CNN1: variants seen among roughly 807,000 people sequenced by gnomAD.
CNN1 encodes the protein calponin 1.
A neutral mutation model predicts 35.3 loss-of-function variants in CNN1; 21 were observed. That is an observed-to-expected ratio of 0.60 (90% CI 0.42 to 0.86). CNN1 has a LOEUF of 0.86. Among genes scored for constraint, CNN1 ranks in the 40% least tolerant of loss-of-function variants. The pLI, the probability that CNN1 is intolerant of heterozygous loss-of-function variation, is 0.00. For missense variants in CNN1, 314 were observed against 400.8 expected (o/e 0.78, Z 1.85); for synonymous variants, 164 against 161.8 (o/e 1.01, Z -0.10).
intron 2 of CNN1, among the ~76,000 whole-genome samples, chr19:11,544,924 G>T (rs960066796): frequency 1.3e-5 from 2 of 152,004 alleles, no homozygotes; most frequent in Non-Finnish European, 2.9e-5. Flanking sequence ...CTGGGCCAGG[G>T]GCAGTGGCTC....
intron 1 of CNN1, 55 bp from the exon 2 acceptor site, chr19:11,541,021 C>T (rs901986179): frequency 5.9e-6 from 9 of 1,524,030 alleles, no homozygotes; most frequent in African/African-American, 1.4e-5. Context: ...GCCCAGGCTG[C>T]CCCCAATGCA....
chr19:11,548,829 G>C lies in CNN1; in HGVS notation c.502-494G>C, dbSNP rs11672633. ...TCCAACCTGGGCGACAGAGTGAGATGCTATCTCAAATAAAATAAAATAAAA... is the reference window on the plus strand; with the variant it reads ...TCCAACCTGGGCGACAGAGTGAGATCCTATCTCAAATAAAATAAAATAAAA... On this transcript the variant is annotated intron_variant, in intron 5 of 6. Transcript: ENST00000252456. Among the ~76,000 whole-genome samples the C allele has an allele frequency of 4.2e-3, 643 of 151,792 alleles. 1 individual carries two copies. The highest frequency in any genetic ancestry group is 7.1e-3 in the Non-Finnish European group (480 of 67,922).
Position 11,549,387 on chromosome 19 carries a change from A to G in CNN1, c.566A>G (p.Tyr189Cys), listed in dbSNP as rs1330653121. ...MTAYGTRRHL[Y>C]DPKLGTDQPL... is the part of the protein sequence containing the mutation. ...GCCTATGGCACCCGGCGCCACCTCTACGACCCCAAGCTGGGCACAGACCAG... is the reference window on the plus strand; with the variant it reads ...GCCTATGGCACCCGGCGCCACCTCTGCGACCCCAAGCTGGGCACAGACCAG... The change falls in exon 6 of 7, where the codon TAC becomes TGC. Residue 189 changes from tyrosine (Y) to cysteine (C), a missense_variant. By Grantham distance (194) the Tyr-to-Cys change is radical (BLOSUM62 -2). Coordinates refer to ENST00000252456, the MANE Select transcript of CNN1 (RefSeq NM_001299.6). This position sits in a 1 kb window ranked among gnomAD's most constrained non-coding sequence, Gnocchi z 5.2. The G allele has an allele frequency of 3.1e-6, 5 of 1,613,724 alleles. No homozygotes were observed. The highest frequency in any genetic ancestry group is 4.5e-5 in the East Asian group (2 of 44,868).
At position 11,547,827 on chromosome 19, in the gene CNN1, G is replaced by A. The variant is rs747363499; in HGVS notation, c.421G>A (p.Gly141Arg). The A allele has an allele frequency of 6.2e-7, 1 of 1,614,052 alleles. No individual in the cohort carries two copies. Among genetic ancestry groups the A allele is most frequent in the Non-Finnish European group, 8.5e-7 (1 of 1,179,972 alleles). The change falls in exon 5 of 7, where the codon GGA becomes AGA. Residue 141 changes from glycine (G) to arginine (R), a missense_variant. Transcript: ENST00000252456. ...AKTKGNKVNV[G>R]VKYAEKQERK... ...GACGAAAGGAAACAAGGTGAACGTG[G>A]GAGTGAAGTACGCAGAGAAGCAGGA...
chr19:11,543,194 G>A (rs2145032380), intron 2 of CNN1, among the ~76,000 whole-genome samples: 1 of 151,998 alleles, frequency 6.6e-6, no homozygotes, highest in East Asian at 1.9e-4. Context: ...AAACATTTTT[G>A]TTTTAATTAG....
intron 1 of CNN1, 29 bp from the exon 2 acceptor site, chr19:11,541,047 C>T: frequency 6.3e-7 from 1 of 1,578,228 alleles, no homozygotes; most frequent in Non-Finnish European, 8.6e-7. Flanking sequence ...ACCCCTTTCT[C>T]TGTGCCCCCT....
chr19:11,540,324 C>G (rs1377433926), intron 1 of CNN1: 1 of 154,808 alleles, frequency 6.5e-6, no homozygotes, highest in Non-Finnish European at 1.4e-5. Context: ...ACCACCCCCA[C>G]CCCAGGCAGG....
At chr19:11,545,798 CAAAAAAAA>C (rs1030710214) in intron 2 of CNN1, among the ~76,000 whole-genome samples, 37 of 58,826 alleles carry the variant, frequency 6.3e-4, no homozygotes, top group African/African-American at 1.9e-3. Flanking sequence ...CCCTCTCTAC[CAAAAAAAA>C]AAAAAAAAAA....
At chr19:11,544,665 T>G (rs1382659078) in intron 2 of CNN1, among the ~76,000 whole-genome samples, 5 of 138,360 alleles carry the variant, frequency 3.6e-5, no homozygotes, top group Non-Finnish European at 6.2e-5. Flanking sequence ...TTTTCGGGTT[T>G]TTTTTTTTTT....
intron 2 of CNN1, among the ~76,000 whole-genome samples, chr19:11,541,503 A>G (rs1325137927): frequency 6.6e-6 from 1 of 152,228 alleles, no homozygotes; most frequent in Non-Finnish European, 1.5e-5. Flanking sequence ...GCTAAAAGGC[A>G]GCAGCCAACA....
intron 2 of CNN1, among the ~76,000 whole-genome samples, chr19:11,546,414 C>T (rs1210894732): frequency 6.6e-6 from 1 of 151,202 alleles, no homozygotes; most frequent in Admixed American, 6.6e-5. Context: ...AATCTCAGCT[C>T]ACTGCAACCT....
At chr19:11,539,061 T>A in intron 1 of CNN1, 71 bp downstream of exon 1, 2 of 1,321,854 alleles carry the variant, frequency 1.5e-6, no homozygotes, top group Non-Finnish European at 2.0e-6. Flanking sequence ...TTGGGGTCCC[T>A]TGAACCCCCT....
chr19:11,549,303 T>C lies in CNN1; in HGVS notation c.502-20T>C. 1 of 1,613,738 alleles carries C rather than the reference T, an allele frequency of 6.2e-7. No homozygotes were observed. The highest frequency in any genetic ancestry group is 8.5e-7 in the Non-Finnish European group (1 of 1,179,724). On this transcript the variant is annotated intron_variant, in intron 5 of 6. Transcript: ENST00000252456. The surrounding 1 kb of genome is among the most constrained non-coding windows in gnomAD (Gnocchi z 5.2). Reference sequence around the variant, plus strand: ...ATGAGGTCTGTAATTATTGGTGTGATTCTCCTTCTGGCTTCCTAGATGGGC... The same window carrying C: ...ATGAGGTCTGTAATTATTGGTGTGACTCTCCTTCTGGCTTCCTAGATGGGC...
chr19:11,544,581 C>T (rs964601071), intron 2 of CNN1, among the ~76,000 whole-genome samples: 4 of 151,980 alleles, frequency 2.6e-5, no homozygotes, highest in Admixed American at 2.0e-4. Flanking sequence ...AACTGATCCT[C>T]CCACCCCAGC....
rs372082724 is a variant in CNN1 at position 11,546,988 on chromosome 19, T to C, written c.390+19T>C. 5.6e-6 allele frequency: 9 copies of C among 1,613,714 alleles called. No homozygotes were observed. In the African/African-American group the frequency reaches 1.1e-4, roughly 19 times the overall value. ...CAGCATGGTGAGTGTGGTTGCAGGC[T>C]GGGCAGGGGGTGGTGGGCAGCCTGG... is the stretch of plus-strand genomic sequence containing the variant. On this transcript the variant is annotated intron_variant, in intron 4 of 6. Transcript: ENST00000252456.
chr19:11,544,075 C>T (rs564940187), intron 2 of CNN1, among the ~76,000 whole-genome samples: 1 of 152,112 alleles, frequency 6.6e-6, no homozygotes, highest in Non-Finnish European at 1.5e-5. Context: ...ACTCAGAGCT[C>T]AAGGACTTTT....
chr19:11,543,463 T>TATA (rs372575864), intron 2 of CNN1, among the ~76,000 whole-genome samples: 3,729 of 147,642 alleles, frequency 0.025, 67 homozygotes, highest in African/African-American at 0.051. Context: ...GAACTTAAAG[T>TATA]ATAATAATAA....
At chr19:11,539,533 G>C in intron 1 of CNN1, 1 of 1,133,844 alleles carries the variant, frequency 8.8e-7, no homozygotes, top group Non-Finnish European at 1.1e-6. Flanking sequence ...GAGGTTCGGA[G>C]AGGAGAGGCA....
rs1431241238 is a variant in CNN1 at position 11,549,691 on chromosome 19, C to T, written c.790C>T (p.Pro264Ser). Residue 264 changes from proline to serine, a missense_variant, in exon 7 of 7, where the codon CCA becomes TCA. Physicochemically the swap from Pro to Ser is moderately conservative, Grantham distance 74 (BLOSUM62 -1). Transcript: ENST00000252456. This position sits in a 1 kb window ranked among gnomAD's most constrained non-coding sequence, Gnocchi z 5.2. ...GCGGGGCATGACGGTGTATGGGCTG[C>T]CACGCCAGGTCTACGACCCCAAGTA... The part of the protein sequence containing the change: ...SQRGMTVYGL[P>S]RQVYDPKYCL... 1 of 1,614,242 alleles carries T rather than the reference C, an allele frequency of 6.2e-7. No individual in the cohort carries two copies. The highest frequency in any genetic ancestry group is 1.7e-5 in the Admixed American group (1 of 60,026).
Sources: allele counts gnomAD v4.1 joint callset (sites outside exome capture counted in the v4.1 genomes callset), GRCh38; gene constraint gnomAD v4.1.1; non-coding constraint Gnocchi (gnomAD v3.1); transcripts MANE v1.5; gene names NCBI Gene and HGNC (gene_info 2026-07-23, HGNC 2026-07-21).